Variants in SASH1 observed in about 807,000 individuals in gnomAD.
SASH1 encodes the protein SAM and SH3 domain-containing protein 1.
In SASH1, 44 loss-of-function variants were observed where a neutral mutation model predicts 125.2. That is an observed-to-expected ratio of 0.35 (90% confidence interval 0.28 to 0.45). The LOEUF is 0.45. Ranked by LOEUF, SASH1 falls within the 20% of genes least tolerant of loss-of-function variation. The pLI is 1.00. For synonymous variants in SASH1, 639 were observed against 649.1 expected, an observed-to-expected ratio of 0.98 and a Z score of 0.24; for missense variants, 1,426 against 1,614.5, an observed-to-expected ratio of 0.88 and a Z score of 2.00.
chr6:148,393,838 G>T, intron 2 of SASH1: 1 of 447,280 alleles, frequency 2.2e-6, no homozygotes, highest in Non-Finnish European at 2.9e-6. Flanking sequence ...TCTTTAAATT[G>T]TAGTTAGCAA....
At chr6:148,204,370 C>A in the SASH1 span, among the ~76,000 whole-genome samples, 1 of 152,180 alleles carries the variant, frequency 6.6e-6, no homozygotes, top group South Asian at 2.1e-4. Context: ...CATTCTGAGT[C>A]TCCCCCAAAA....
rs771034037 is a variant in SASH1, at chr6:148,343,218, A to G, written c.151A>G (p.Ile51Val). The G allele has an allele frequency of 2.5e-6, 4 of 1,585,434 alleles. No individual in the cohort carries two copies. Among genetic ancestry groups the G allele is most frequent in the African/African-American group, 1.4e-5 (1 of 73,998 alleles). ...FSRLWTDVMG[I>V]LDGSLGNIDD... The stretch of plus-strand genomic sequence containing the variant: ...CCGACTCTGGACCGACGTGATGGGT[A>G]TCCTGGTAAGTTACCTGGGGAGGGG... Residue 51 changes from isoleucine (I) to valine (V), a missense_variant, in exon 1 of 20, where the codon ATC becomes GTC. By Grantham distance (29) the Ile-to-Val change is conservative. This residue lies in a region of SASH1 where 567 missense variants were observed against 575.6 expected (regional missense o/e 0.99). Coordinates refer to ENST00000367467, the MANE Select transcript of SASH1 (RefSeq NM_015278.5).
At chr6:148,413,471 G>A (rs1174706797) in intron 2 of SASH1, among the ~76,000 whole-genome samples, 1 of 152,098 alleles carries the variant, frequency 6.6e-6, no homozygotes, top group African/African-American at 2.4e-5. Flanking sequence ...GAAAGGGGAG[G>A]AGGAAGGAGA....
Position 148,304,104 on chromosome 6 carries a change from A to G in SASH1, n.74+31727A>G, listed in dbSNP as rs530561290. On this transcript the variant is annotated intron_variant and non_coding_transcript_variant, in intron 1 of 3. Coordinates refer to the SASH1 transcript ENST00000367469. ...TGGATCACGAGGTCAGGAGTTCAAGACCAGCCTGGCCAAGATGGTGAAACC... is the reference window on the plus strand; with the variant it reads ...TGGATCACGAGGTCAGGAGTTCAAGGCCAGCCTGGCCAAGATGGTGAAACC... Among the ~76,000 whole-genome samples, 246 of 152,228 alleles carry G rather than the reference A, an allele frequency of 1.6e-3. 3 individuals are homozygous for G. The highest frequency in any genetic ancestry group is 2.5e-4 in the Non-Finnish European group (17 of 68,016).
chr6:148,406,867 C>T (rs1403924158), intron 2 of SASH1, among the ~76,000 whole-genome samples: 1 of 150,110 alleles, frequency 6.7e-6, no homozygotes, highest in Non-Finnish European at 1.5e-5. Flanking sequence ...TCAGGCGCTC[C>T]AAGGGAGGAG....
At chr6:148,266,777 A>T in the SASH1 span, among the ~76,000 whole-genome samples, 20 of 144,970 alleles carry the variant, frequency 1.4e-4, no homozygotes, top group Admixed American at 1.2e-3. Context: ...ATTTTTTTTT[A>T]ATTTTTTTTT....
rs1274291244 is a variant in SASH1 at position 148,474,235 on chromosome 6, A to T, written c.627+13A>T. On this transcript the variant is annotated intron_variant, in intron 7 of 19. Coordinates refer to ENST00000367467, the MANE Select transcript of SASH1 (RefSeq NM_015278.5). ...AGCACTTGCTAGGGTAAGCATGCAG[A>T]TACCTGGTTTATATTTGTGAGGACT... 1.3e-6 allele frequency: 2 copies of T among 1,500,684 alleles called. No homozygotes were observed. Among genetic ancestry groups the T allele is most frequent in the Non-Finnish European group, 9.2e-7 (1 of 1,089,484 alleles). 93.0% of individuals were successfully genotyped at this position (1,500,684 alleles called of 1,614,324 possible).
At chr6:148,442,520 T>TTCTC (rs149857765) in intron 4 of SASH1, among the ~76,000 whole-genome samples, 2 of 150,300 alleles carry the variant, frequency 1.3e-5, no homozygotes, top group Admixed American at 6.6e-5. Context: ...CTCCTGAGCT[T>TTCTC]TCTCTCTCTC....
Position 148,448,625 on chromosome 6 carries a change from G to A in SASH1, c.386+8218G>A, listed in dbSNP as rs182539682. On this transcript the variant is annotated intron_variant, in intron 4 of 19. Transcript: ENST00000367467. ...ACCCCTTCCTGTGAGTGCACCCCAG[G>A]CTTTTTACCCAGCCTGTGAGCTCTC... Among the ~76,000 whole-genome samples the A allele has an allele frequency of 3.1e-4, 47 of 152,186 alleles. No homozygotes were observed. The East Asian group carries it at 9.1e-3, about 29-fold the overall frequency.
rs533104370 is a variant in SASH1 at position 148,336,425 on chromosome 6, G to A, written n.75-53709G>A. On this transcript the variant is annotated intron_variant and non_coding_transcript_variant, in intron 1 of 3. Coordinates refer to the SASH1 transcript ENST00000367469. ...ACTCCCGACCTCAGGTGATCCGCCCGCCTCAGCCTCCCAAAGTGCTGGGAT... is the reference window on the plus strand; with the variant it reads ...ACTCCCGACCTCAGGTGATCCGCCCACCTCAGCCTCCCAAAGTGCTGGGAT... Among the ~76,000 whole-genome samples the A allele has an allele frequency of 5.9e-5, 9 of 152,128 alleles. No individual in the cohort carries two copies. The East Asian group carries it at 9.7e-4, about 16-fold the overall frequency.
chr6:148,461,406 A>T (rs1168225511), intron 4 of SASH1, among the ~76,000 whole-genome samples: 1 of 152,228 alleles, frequency 6.6e-6, no homozygotes, highest in Non-Finnish European at 1.5e-5. Context: ...AATGTCACCC[A>T]TGTTGTCATT....
chr6:148,394,747 C>T (rs577421389), intron 2 of SASH1, among the ~76,000 whole-genome samples: 6 of 152,074 alleles, frequency 3.9e-5, no homozygotes, highest in Admixed American at 6.6e-5. Flanking sequence ...TGGGTTCAAG[C>T]GATTCTCTTG....
At chr6:148,531,257 G>A (rs1171512111) in intron 12 of SASH1, among the ~76,000 whole-genome samples, 1 of 150,234 alleles carries the variant, frequency 6.7e-6, no homozygotes, top group East Asian at 1.9e-4. Flanking sequence ...TGTCTGTGTG[G>A]TAGACAGATT....
upstream of SASH1, among the ~76,000 whole-genome samples, chr6:148,340,527 T>G (rs1236991721): frequency 6.6e-6 from 1 of 151,820 alleles, no homozygotes; most frequent in Non-Finnish European, 1.5e-5. Flanking sequence ...GTGAATAAAT[T>G]CAAATTCTTA....
intron 4 of SASH1, among the ~76,000 whole-genome samples, chr6:148,441,775 G>C (rs1379805252): frequency 6.6e-6 from 1 of 152,140 alleles, no homozygotes; most frequent in African/African-American, 2.4e-5. Flanking sequence ...CCTTAGTTAG[G>C]CTGGGTAGTA....
chr6:148,544,048 C>T lies in SASH1; in HGVS notation c.2578C>T (p.Pro860Ser). 6.2e-7 allele frequency: 1 copy of T among 1,614,116 alleles called. No individual in the cohort carries two copies. The highest frequency in any genetic ancestry group is 1.3e-5 in the African/African-American group (1 of 75,040). Residue 860 changes from proline to serine, a missense_variant, in exon 18 of 20, where the codon CCG becomes TCG. Coordinates refer to ENST00000367467, the MANE Select transcript of SASH1 (RefSeq NM_015278.5). The surrounding 1 kb of genome is among the most constrained non-coding windows in gnomAD (Gnocchi z 6.4). ...AGACGTGCCTACCGAGGTGACAGAA[C>T]CGCCCCCTCAGATTGTACCTGAAGT... ...EQDVPTEVTE[P>S]PPQIVPEVPQ...
upstream of SASH1, among the ~76,000 whole-genome samples, chr6:148,267,525 C>A (rs1778975981): frequency 6.6e-6 from 1 of 151,992 alleles, no homozygotes. Context: ...ACTACAGGTG[C>A]CCGCCACCAC....
At position 148,534,606 on chromosome 6, in the gene SASH1, T is replaced by G. The variant is rs922415738; in HGVS notation, c.1945-145T>G. On this transcript the variant is annotated intron_variant, in intron 15 of 19. Transcript: ENST00000367467. ...AGCCAGAGGGCTGGGATGTACAGGATCCATTGCAAATGATACTTACTAATC... is the reference window on the plus strand; with the variant it reads ...AGCCAGAGGGCTGGGATGTACAGGAGCCATTGCAAATGATACTTACTAATC... 8 of 792,630 alleles carry G rather than the reference T, an allele frequency of 1.0e-5. No individual in the cohort carries two copies. The South Asian group carries it at 1.2e-4, about 12-fold the overall frequency. The allele number at this position is 792,630 out of a possible 1,614,324, so 49.1% of individuals were successfully genotyped here.
At chr6:148,239,260 C>G in the SASH1 span, among the ~76,000 whole-genome samples, 1 of 152,096 alleles carries the variant, frequency 6.6e-6, no homozygotes, top group African/African-American at 2.4e-5. Flanking sequence ...TGGGTATTTC[C>G]TAAAGGAAAT....
Sources: allele counts gnomAD v4.1 joint callset (sites outside exome capture counted in the v4.1 genomes callset), GRCh38; gene constraint gnomAD v4.1.1; regional missense constraint gnomAD v4.1.1; non-coding constraint Gnocchi (gnomAD v3.1); transcripts MANE v1.5; gene names NCBI Gene and HGNC (gene_info 2026-07-23, HGNC 2026-07-21).